The following BLTP1 variants were observed in gnomAD, a reference collection of about 807,000 sequenced individuals.
The protein encoded by BLTP1 is fragile site-associated protein.
chr4:122,284,696 A>T, the BLTP1 span, among the ~76,000 whole-genome samples: 1 of 152,148 alleles, frequency 6.6e-6, no homozygotes, highest in South Asian at 2.1e-4. Context: ...TTTGAGAGAG[A>T]CCATATTTAC....
chr4:122,334,560 T>C, the BLTP1 span: 1,179 of 1,601,702 alleles, frequency 7.4e-4, 18 homozygotes, highest in East Asian at 0.021. Context: ...TTAAGGAGTA[T>C]ATACTTTATT....
chr4:122,280,913 A>G, the BLTP1 span, among the ~76,000 whole-genome samples: 1 of 152,184 alleles, frequency 6.6e-6, no homozygotes, highest in Non-Finnish European at 1.5e-5. Context: ...CTTAAATTTT[A>G]GTTTTAAAAT....
the BLTP1 span, chr4:122,187,746 C>T: frequency 1.5e-5 from 14 of 948,244 alleles, no homozygotes; most frequent in Admixed American, 3.5e-5. Context: ...TTAAATTGAC[C>T]AGTGGAATAG....
the BLTP1 span, among the ~76,000 whole-genome samples, chr4:122,168,524 A>G: frequency 6.6e-6 from 1 of 152,146 alleles, no homozygotes; most frequent in African/African-American, 2.4e-5. Context: ...TAATATGTGA[A>G]TATTTGGTTT....
At chr4:122,229,674 T>A in the BLTP1 span, 1 of 945,918 alleles carries the variant, frequency 1.1e-6, no homozygotes, top group Non-Finnish European at 1.3e-6. Context: ...TTACTTCTCT[T>A]GTTCGCCTGT....
chr4:122,291,650 C>G, the BLTP1 span: 1 of 777,362 alleles, frequency 1.3e-6, no homozygotes, highest in Admixed American at 6.3e-5. Context: ...TAAGTAAGCA[C>G]TGATCAAGTA....
At chr4:122,155,543 C>T in the BLTP1 span, among the ~76,000 whole-genome samples, 6 of 152,174 alleles carry the variant, frequency 3.9e-5, no homozygotes, top group South Asian at 2.1e-4. Flanking sequence ...AGGCTGGTCT[C>T]GAACTCCTAA....
the BLTP1 span, chr4:122,175,732 T>A: frequency 9.1e-6 from 6 of 655,914 alleles, no homozygotes; most frequent in Admixed American, 1.1e-4. Context: ...GCCAATGTTC[T>A]TTTGAGGATT....
At chr4:122,322,505 C>T in the BLTP1 span, among the ~76,000 whole-genome samples, 45 of 152,180 alleles carry the variant, frequency 3.0e-4, no homozygotes, top group African/African-American at 9.4e-4. Context: ...TCCAACATCC[C>T]TTCTATGAGG....
At chr4:122,355,733 C>A in the BLTP1 span, 1 of 1,487,788 alleles carries the variant, frequency 6.7e-7, no homozygotes, top group Non-Finnish European at 9.0e-7. Context: ...GTCTTGAAAG[C>A]TATATAGGCT....
chr4:122,255,021 A>G, the BLTP1 span: 8 of 1,502,742 alleles, frequency 5.3e-6, no homozygotes, highest in South Asian at 8.8e-5. Flanking sequence ...CTTATTGTTA[A>G]TCATTATTGG....
chr4:122,312,266 C>T, the BLTP1 span, among the ~76,000 whole-genome samples: 1 of 152,108 alleles, frequency 6.6e-6, no homozygotes, highest in Non-Finnish European at 1.5e-5. Flanking sequence ...GAACTCCTAG[C>T]CTCAAGTGAT....
chr4:122,271,100 GAA>G, the BLTP1 span: 1 of 1,613,850 alleles, frequency 6.2e-7, no homozygotes, highest in Non-Finnish European at 8.5e-7. Flanking sequence ...TGTTGTAATG[GAA>G]AAGTCCGTGT....
the BLTP1 span, chr4:122,300,861 CAG>C: frequency 1.6e-5 from 15 of 924,870 alleles, no homozygotes; most frequent in South Asian, 6.5e-4. Context: ...GAAGTGGAAA[CAG>C]AAGTAAGATA....
chr4:122,349,105 T>TA, the BLTP1 span: 23 of 1,432,074 alleles, frequency 1.6e-5, no homozygotes, highest in Non-Finnish European at 2.2e-5. This position sits in a 1 kb window ranked among gnomAD's most constrained non-coding sequence, Gnocchi z 4.5. Context: ...AATCCTGTTT[T>TA]AATTCATGAC....
the BLTP1 span, among the ~76,000 whole-genome samples, chr4:122,201,346 G>A: frequency 6.6e-6 from 1 of 152,138 alleles, no homozygotes; most frequent in Non-Finnish European, 1.5e-5. Context: ...ATTGAGCTTA[G>A]AAGGAAATGA....
the BLTP1 span, among the ~76,000 whole-genome samples, chr4:122,279,327 T>C: frequency 7.2e-5 from 11 of 152,214 alleles, no homozygotes; most frequent in Admixed American, 4.6e-4. Flanking sequence ...TTTGCCACTG[T>C]GGGCTTCATC....
At chr4:122,256,503 A>C in the BLTP1 span, among the ~76,000 whole-genome samples, 11 of 152,196 alleles carry the variant, frequency 7.2e-5, no homozygotes, top group Admixed American at 6.5e-4. Flanking sequence ...GTTCCTCAGA[A>C]AGTAAACGGG....
chr4:122,195,555 C>T, the BLTP1 span: 3 of 153,890 alleles, frequency 1.9e-5, no homozygotes, highest in South Asian at 2.1e-4. Flanking sequence ...AAAATGGAGA[C>T]GCAGAGAGGT....
Sources: allele counts gnomAD v4.1 joint callset (sites outside exome capture counted in the v4.1 genomes callset), GRCh38; gene constraint gnomAD v4.1.1; non-coding constraint Gnocchi (gnomAD v3.1); transcripts MANE v1.5; gene names NCBI Gene and HGNC (gene_info 2026-07-23, HGNC 2026-07-21).